The following DENND5B variants were observed in gnomAD, a reference collection of about 807,000 sequenced individuals.
DENND5B encodes DENN domain-containing protein 5B.
In DENND5B, 34 loss-of-function variants were observed where a neutral mutation model predicts 140.6. The observed-to-expected ratio is 0.24, with a 90% CI of 0.18 to 0.32. The LOEUF (loss-of-function observed/expected upper bound fraction) is 0.32. Among genes scored for constraint, DENND5B ranks in the 10% least tolerant of loss-of-function variants. The pLI, the probability that DENND5B is intolerant of heterozygous loss-of-function variation, is 1.00. For missense variants in DENND5B, 1,142 were observed against 1,560.2 expected (o/e 0.73, Z 4.52); for synonymous variants, 551 against 562.1 (o/e 0.98, Z 0.28).
intron 1 of DENND5B, among the ~76,000 whole-genome samples, chr12:31,545,810 T>C (rs898537368): frequency 1.3e-5 from 2 of 151,614 alleles, no homozygotes; most frequent in Admixed American, 1.3e-4. Flanking sequence ...AAAACAAACA[T>C]TAGCCAGGTA....
Position 31,426,508 on chromosome 12 carries a change from C to T in DENND5B, c.2107-84G>A, listed in dbSNP as rs1943242577. Reference sequence around the variant, plus strand: ...AACCTTATACAAACAAGTGCAGAGACAAATGAAATGCAAAAAAGTCCGTAA... The same window carrying T: ...AACCTTATACAAACAAGTGCAGAGATAAATGAAATGCAAAAAAGTCCGTAA... On this transcript the variant is annotated intron_variant, in intron 8 of 20. Transcript: ENST00000389082. 3 of 1,457,454 alleles carry T rather than the reference C, an allele frequency of 2.1e-6. No homozygotes were observed. The East Asian group carries it at 7.2e-5, about 35-fold the overall frequency. The allele number at this position is 1,457,454 out of a possible 1,614,324, so 90.3% of individuals were successfully genotyped here.
Position 31,442,928 on chromosome 12 carries a change from ATAAAT to A in DENND5B, c.1862-8_1862-4del. 2 of 1,551,022 alleles carry A rather than the reference ATAAAT, an allele frequency of 1.3e-6. No homozygotes were observed. Among genetic ancestry groups the A allele is most frequent in the Non-Finnish European group, 1.7e-6 (2 of 1,147,488 alleles). ...CAGTCTCTGCTCAATTGATTGGGCT[ATAAAT>A]TAAATTTATAATAAATTAGAGACAT... On this transcript the variant is annotated splice_polypyrimidine_tract_variant and splice_region_variant and intron_variant, in intron 6 of 20. Coordinates refer to ENST00000389082, the MANE Select transcript of DENND5B (RefSeq NM_144973.4).
In DENND5B at chr12:31,387,794, C is replaced by T. The variant is rs375530679; in HGVS notation, c.3642-8G>A. ...TGTGGGAGCAGGCGATCCCTACAGACCCAAACAGAAACAATTCCTGAGCAT... is the reference window on the plus strand; with the variant it reads ...TGTGGGAGCAGGCGATCCCTACAGATCCAAACAGAAACAATTCCTGAGCAT... On this transcript the variant is annotated splice_polypyrimidine_tract_variant and splice_region_variant and intron_variant, in intron 20 of 20. Transcript: ENST00000389082. 322 of 1,609,874 alleles carry T rather than the reference C, an allele frequency of 2.0e-4. 3 individuals are homozygous for T. The Middle Eastern group carries it at 2.9e-3, about 15-fold the overall frequency.
chr12:31,576,386 G>A (rs1950017891), intron 1 of DENND5B, among the ~76,000 whole-genome samples: 2 of 151,856 alleles, frequency 1.3e-5, no homozygotes, highest in South Asian at 4.2e-4. Context: ...CCGGGAGACA[G>A]AGTGTGTTGC....
At chr12:31,513,505 A>C (rs776685241) in intron 1 of DENND5B, among the ~76,000 whole-genome samples, 2 of 152,166 alleles carry the variant, frequency 1.3e-5, no homozygotes, top group Non-Finnish European at 1.5e-5. Flanking sequence ...ATTTATTTAC[A>C]TCAGTATGGA....
At chr12:31,431,036 G>A (rs1315282236) in intron 8 of DENND5B, among the ~76,000 whole-genome samples, 2 of 152,152 alleles carry the variant, frequency 1.3e-5, no homozygotes, top group African/African-American at 4.8e-5. Flanking sequence ...ATTTCAAGAT[G>A]AAAAATATAG....
intron 1 of DENND5B, among the ~76,000 whole-genome samples, chr12:31,547,173 C>CT (rs953612670): frequency 6.6e-5 from 10 of 152,054 alleles, no homozygotes; most frequent in East Asian, 1.9e-4. Flanking sequence ...TGTTACTTTT[C>CT]TTTTTTTTAC....
chr12:31,433,459 G>C (rs2137845027), intron 7 of DENND5B, among the ~76,000 whole-genome samples: 1 of 152,214 alleles, frequency 6.6e-6, no homozygotes, highest in Admixed American at 6.5e-5. Context: ...GATATGTGCT[G>C]TCATCACCAC....
At chr12:31,580,258 A>C (rs983386776) in intron 1 of DENND5B, among the ~76,000 whole-genome samples, 2 of 152,078 alleles carry the variant, frequency 1.3e-5, no homozygotes, top group East Asian at 3.9e-4. Flanking sequence ...TGGTACCTGC[A>C]TGCTTGCTTG....
rs375656887 is a variant in DENND5B at position 31,455,759 on chromosome 12, T to C, written c.1093-3283A>G. 1.4e-4 allele frequency among the ~76,000 whole-genome samples: 22 copies of C among 152,256 alleles called. No homozygotes were observed. In the South Asian group the frequency reaches 2.1e-3, roughly 14 times the overall value. On this transcript the variant is annotated intron_variant, in intron 4 of 20. Transcript: ENST00000389082. ...AAAGTGGGCTGGGCATGGTGGCTCA[T>C]GCCTGTAATCCCAGCACTTTGGGAG...
intron 3 of DENND5B, among the ~76,000 whole-genome samples, chr12:31,474,971 G>A (rs1209040523): frequency 6.6e-6 from 1 of 152,156 alleles, no homozygotes; most frequent in Non-Finnish European, 1.5e-5. Flanking sequence ...GAGGTTAAGT[G>A]CAGTGCCCAA....
intron 1 of DENND5B, among the ~76,000 whole-genome samples, chr12:31,511,228 G>A (rs931920277): frequency 6.6e-6 from 1 of 152,054 alleles, no homozygotes; most frequent in Non-Finnish European, 1.5e-5. Flanking sequence ...GTCAGAGGGA[G>A]ACCCTGTCTC....
chr12:31,471,858 T>C (rs1309603196), intron 3 of DENND5B, among the ~76,000 whole-genome samples: 1 of 152,116 alleles, frequency 6.6e-6, no homozygotes, highest in Admixed American at 6.6e-5. Context: ...TATCCAATCC[T>C]TGAGGGACCA....
chr12:31,424,881 GT>G (rs974503999), intron 9 of DENND5B, among the ~76,000 whole-genome samples, 194 bp from the exon 10 acceptor site: 94 of 152,206 alleles, frequency 6.2e-4, no homozygotes, highest in African/African-American at 2.2e-3. Context: ...TCACTATTTT[GT>G]CAGAAAAATG....
At chr12:31,414,280 A>G (rs1479543114) in intron 12 of DENND5B, among the ~76,000 whole-genome samples, 2 of 152,178 alleles carry the variant, frequency 1.3e-5, no homozygotes, top group African/African-American at 4.8e-5. Context: ...TAAAATATTT[A>G]AAAGATAAAA....
Position 31,476,041 on chromosome 12 carries a change from G to A in DENND5B, c.904+3548C>T, listed in dbSNP as rs560481595. ...CTTGGGAGGCTGAGGCACGAGAATC[G>A]CTTGAACCCAGGAGGTGGAGGTTGC... On this transcript the variant is annotated intron_variant, in intron 3 of 20. Coordinates refer to ENST00000389082, the MANE Select transcript of DENND5B (RefSeq NM_144973.4). Among the ~76,000 whole-genome samples the A allele has an allele frequency of 1.4e-4, 22 of 152,038 alleles. No homozygotes were observed. The East Asian group carries it at 3.5e-3, about 24-fold the overall frequency.
chr12:31,491,866 T>C (rs1460416555), intron 2 of DENND5B, among the ~76,000 whole-genome samples: 2 of 152,376 alleles, frequency 1.3e-5, no homozygotes, highest in East Asian at 1.9e-4. Context: ...TAATGACCTT[T>C]TATTCAAAGC....
chr12:31,512,518 C>T (rs780486439), intron 1 of DENND5B, among the ~76,000 whole-genome samples: 2 of 152,090 alleles, frequency 1.3e-5, no homozygotes, highest in East Asian at 1.9e-4. Context: ...AGGCATGAGC[C>T]ACTGCACTCA....
At chr12:31,404,771 T>TTTTTTTTA (rs1942024779) in intron 14 of DENND5B, among the ~76,000 whole-genome samples, 2 of 142,510 alleles carry the variant, frequency 1.4e-5, no homozygotes, top group Admixed American at 1.4e-4. Context: ...TTTTTTTTTT[T>TTTTTTTTA]TTTTTGAGAC....
Sources: allele counts gnomAD v4.1 joint callset (sites outside exome capture counted in the v4.1 genomes callset), GRCh38; gene constraint gnomAD v4.1.1; transcripts MANE v1.5; gene names NCBI Gene and HGNC (gene_info 2026-07-23, HGNC 2026-07-21).